KDM4B: variants seen among roughly 807,000 people sequenced by gnomAD.
KDM4B encodes the protein lysine-specific demethylase 4B.
In KDM4B, 32 loss-of-function variants were observed where a neutral mutation model predicts 125.2. The ratio of observed to expected loss-of-function variants is 0.26; its 90% CI spans 0.19 to 0.34. The LOEUF (loss-of-function observed/expected upper bound fraction) is 0.34, where lower values mean the gene tolerates loss of function less well. Ranked by LOEUF, KDM4B falls within the 10% of genes least tolerant of loss-of-function variation. KDM4B has a pLI of 1.00. For missense variants in KDM4B, 1,190 were observed against 1,577.7 expected, an observed-to-expected ratio of 0.75 and a Z score of 4.16; for synonymous variants, 721 against 677.9, an observed-to-expected ratio of 1.06 and a Z score of -0.99.
At chr19:5,118,842 T>C (rs1599223990) in intron 10 of KDM4B, among the ~76,000 whole-genome samples, 1 of 152,196 alleles carries the variant, frequency 6.6e-6, no homozygotes, top group African/African-American at 2.4e-5. Flanking sequence ...CCCAGGATTG[T>C]GGGTGTCCAG....
chr19:5,131,232 G>A lies in KDM4B; in HGVS notation c.1472G>A (p.Gly491Asp). ...TCCCCACTGGAGCCCCCGGTGCTGG[G>A]CCCAGGCCCTGCAGCCATGGAGGAG... is the stretch of plus-strand genomic sequence containing the variant. Reference protein sequence around the residue: ...LPSPLEPPVLGPGPAAMEESP... With the variant: ...LPSPLEPPVLDPGPAAMEESP... The change falls in exon 12 of 23, where the codon GGC (glycine) becomes GAC (aspartate). Residue 491 changes from glycine to aspartate, a missense_variant. Physicochemically the swap from Gly to Asp is moderately conservative, Grantham distance 94. Coordinates refer to ENST00000159111, the MANE Select transcript of KDM4B (RefSeq NM_015015.3). The A allele has an allele frequency of 6.2e-7, 1 of 1,607,702 alleles. No individual in the cohort carries two copies. The highest frequency in any genetic ancestry group is 2.2e-5 in the East Asian group (1 of 44,634).
At chr19:5,072,242 A>T (rs2037972251) in intron 7 of KDM4B, among the ~76,000 whole-genome samples, 1 of 152,184 alleles carries the variant, frequency 6.6e-6, no homozygotes, top group Non-Finnish European at 1.5e-5. Context: ...TTTCTAGGGA[A>T]ATAAGGGTCT....
At chr19:5,028,639 C>T (rs142969609) in intron 2 of KDM4B, among the ~76,000 whole-genome samples, 4 of 152,270 alleles carry the variant, frequency 2.6e-5, no homozygotes, top group African/African-American at 9.6e-5. Flanking sequence ...GTGACATTTC[C>T]AGGAGCTGCC....
rs772989970 is a variant in KDM4B, at chr19:5,119,749, T to G, written c.1212T>G (p.Ala404=). 5.2e-6 allele frequency: 8 copies of G among 1,548,904 alleles called. No homozygotes were observed. In the South Asian group the frequency reaches 7.1e-5, roughly 14 times the overall value. Residue 404 remains alanine (A), a synonymous_variant, in exon 11 of 23, where the codon GCT becomes GCG. Coordinates refer to ENST00000159111, the MANE Select transcript of KDM4B (RefSeq NM_015015.3). The part of the protein sequence containing the change: ...GTAGAALLEE[A]GGSVKEEAGP... ...CTGGGGCAGCGCTCCTAGAGGAGGC[T>G]GGGGGCAGCGTGAAGGAGGAGGCTG... is the stretch of plus-strand genomic sequence containing the variant.
chr19:5,135,313 C>T (rs371174778), intron 14 of KDM4B, 26 bp from the exon 15 acceptor site: 44 of 1,528,130 alleles, frequency 2.9e-5, no homozygotes, highest in Non-Finnish European at 3.6e-5. Flanking sequence ...TGGCTCTGTC[C>T]CCTGAAGGTC....
chr19:5,131,569 GGA>G (rs1191806078), intron 12 of KDM4B, 24 bp downstream of exon 12: 1 of 898,430 alleles, frequency 1.1e-6, no homozygotes, highest in Non-Finnish European at 1.6e-6. Flanking sequence ...GGGGAGGCAG[GGA>G]GGAGGGGGGC....
Position 5,124,628 on chromosome 19 carries a change from G to A in KDM4B, c.1315+4776G>A, listed in dbSNP as rs543006262. On this transcript the variant is annotated intron_variant, in intron 11 of 22. Transcript: ENST00000159111. Reference sequence around the variant, plus strand: ...TCCTTTCCTTTCCTGATGGAGTTCCGCTCTGTCACCCAGGCTGGAGTGCAG... The same window carrying A: ...TCCTTTCCTTTCCTGATGGAGTTCCACTCTGTCACCCAGGCTGGAGTGCAG... Among the ~76,000 whole-genome samples, 124 of 152,242 alleles carry A rather than the reference G, an allele frequency of 8.1e-4. 1 individual carries two copies. Among genetic ancestry groups the A allele is most frequent in the Non-Finnish European group, 9.4e-4 (64 of 68,002 alleles).
chr19:4,980,870 A>G (rs549428052), intron 1 of KDM4B, among the ~76,000 whole-genome samples: 6 of 137,050 alleles, frequency 4.4e-5, no homozygotes, highest in African/African-American at 1.7e-4. Flanking sequence ...GAGCTCAGGG[A>G]TTCCTGTGCT....
chr19:5,014,522 G>A (rs181654559), intron 1 of KDM4B, among the ~76,000 whole-genome samples: 25 of 152,080 alleles, frequency 1.6e-4, no homozygotes, highest in African/African-American at 5.5e-4. Context: ...TGATCCACCC[G>A]CCTCGGCCTC....
rs568618052 is a variant in KDM4B, at chr19:5,105,167, G to A, written c.919-5455G>A. On this transcript the variant is annotated intron_variant, in intron 9 of 22. Transcript: ENST00000159111. ...GTGCAGAGGGCACAGGACCCAGAGC[G>A]GGGCAGAGCAGGAGGCCAGGACTCT... Among the ~76,000 whole-genome samples, 14 of 152,326 alleles carry A rather than the reference G, an allele frequency of 9.2e-5. No homozygotes were observed. In the East Asian group the frequency reaches 1.4e-3, roughly 15 times the overall value.
In KDM4B at chr19:5,040,059, A is replaced by G. The variant is rs1568248565; in HGVS notation, c.317+48A>G. 2.6e-6 allele frequency: 4 copies of G among 1,549,400 alleles called. No individual in the cohort carries two copies. The African/African-American group carries it at 5.5e-5, about 21-fold the overall frequency. ...ACCTGACCCCCGCCCCCGGGGGCAC[A>G]CCTGCTCATGGGGGCCCTGGGGGCA... is the stretch of plus-strand genomic sequence containing the variant. On this transcript the variant is annotated intron_variant, in intron 4 of 22. Transcript: ENST00000159111.
At chr19:5,071,581 C>T (rs570616671) in intron 7 of KDM4B, among the ~76,000 whole-genome samples, 5 of 152,354 alleles carry the variant, frequency 3.3e-5, no homozygotes, top group South Asian at 4.1e-4. Flanking sequence ...CACCAGCTCG[C>T]GTTCATGTGC....
At chr19:5,104,915 A>G (rs893556882) in intron 9 of KDM4B, among the ~76,000 whole-genome samples, 3 of 152,174 alleles carry the variant, frequency 2.0e-5, no homozygotes, top group Admixed American at 6.5e-5. Flanking sequence ...GTCTGGGCTC[A>G]TTAAGATAAC....
intron 10 of KDM4B, chr19:5,113,965 C>T: frequency 3.2e-6 from 4 of 1,235,592 alleles, no homozygotes; most frequent in Non-Finnish European, 4.2e-6. Context: ...CGCCACCTTA[C>T]ATGGGTCTCT....
At chr19:4,989,257 C>T (rs1466422797) in intron 1 of KDM4B, among the ~76,000 whole-genome samples, 2 of 152,102 alleles carry the variant, frequency 1.3e-5, no homozygotes, top group East Asian at 1.9e-4. Flanking sequence ...GCAGGGGGGC[C>T]GTGTTCACAC....
At chr19:5,060,433 CAAAAAAAAAAAAAAAAAA>C (rs901472663) in intron 6 of KDM4B, among the ~76,000 whole-genome samples, 2 of 32,946 alleles carry the variant, frequency 6.1e-5, no homozygotes, top group African/African-American at 8.2e-5. Flanking sequence ...ACTCTGTCTC[CAAAAAAAAAAAAAAAAAA>C]AAAAAAAAAA....
intron 2 of KDM4B, among the ~76,000 whole-genome samples, chr19:5,031,418 G>C (rs59027509): frequency 0.26 from 39,645 of 152,262 alleles, 5,888 homozygotes; most frequent in East Asian, 0.73. Flanking sequence ...TGCACTTGGG[G>C]CCTCCTGTGC....
chr19:5,056,023 G>A (rs777339491), intron 6 of KDM4B, among the ~76,000 whole-genome samples: 1 of 152,168 alleles, frequency 6.6e-6, no homozygotes, highest in Non-Finnish European at 1.5e-5. Context: ...CGGGTCCCAC[G>A]TGATGTTGTC....
chr19:5,122,292 A>G (rs1187017035), intron 11 of KDM4B, among the ~76,000 whole-genome samples: 1 of 151,684 alleles, frequency 6.6e-6, no homozygotes, highest in Non-Finnish European at 1.5e-5. Flanking sequence ...TTACCCTCCT[A>G]CCTTCTACCC....
Sources: gnomAD v4.1 joint callset for allele counts (sites outside exome capture counted in the v4.1 genomes callset) on GRCh38, gnomAD v4.1.1 for gene constraint, MANE v1.5 for transcripts, NCBI Gene and HGNC (gene_info 2026-07-23, HGNC 2026-07-21) for gene names.